Variants in BCAT1 observed in about 807,000 individuals in gnomAD.
The protein encoded by BCAT1 is branched-chain-amino-acid aminotransferase, cytosolic.
Under a neutral mutation model 52.4 loss-of-function variants are expected in BCAT1, and 48 were observed. The observed-to-expected ratio is 0.92, with a 90% confidence interval of 0.73 to 1.16. The LOEUF (loss-of-function observed/expected upper bound fraction) is 1.16. Ranked by LOEUF, BCAT1 falls within the 50% of genes most tolerant of loss-of-function variation. The probability of loss-of-function intolerance (pLI) is 0.00; values close to 1 mark genes in which losing one functional copy is unlikely to be tolerated. For synonymous variants in BCAT1, 167 were observed against 161.3 expected (o/e 1.04, Z -0.27); for missense variants, 451 against 457.1 (o/e 0.99, Z 0.12).
At chr12:24,945,223 A>G (rs929532297) in intron 1 of BCAT1, among the ~76,000 whole-genome samples, 2 of 152,248 alleles carry the variant, frequency 1.3e-5, no homozygotes, top group East Asian at 3.8e-4. Context: ...TGAGTCACTG[A>G]CAAGGTCTTA....
intron 10 of BCAT1, among the ~76,000 whole-genome samples, chr12:24,827,760 C>T (rs1410042614): frequency 6.6e-6 from 1 of 152,128 alleles, no homozygotes; most frequent in Non-Finnish European, 1.5e-5. Flanking sequence ...CCACTGCACC[C>T]CAGCCTGAGC....
At chr12:24,904,951 C>T (rs968133357) in intron 1 of BCAT1, among the ~76,000 whole-genome samples, 2 of 152,156 alleles carry the variant, frequency 1.3e-5, no homozygotes, top group Non-Finnish European at 2.9e-5. Context: ...CTCAGAAAGG[C>T]CTGGAAAGGC....
intron 10 of BCAT1, among the ~76,000 whole-genome samples, chr12:24,825,645 A>AT (rs1376348747): frequency 4.0e-5 from 6 of 150,812 alleles, no homozygotes; most frequent in Middle Eastern, 3.2e-3. Context: ...TTTTAATCAA[A>AT]TTTTTTTTTC....
At chr12:24,832,993 G>A in intron 8 of BCAT1, 130 bp from the exon 9 acceptor site, 2 of 972,770 alleles carry the variant, frequency 2.1e-6, no homozygotes, top group South Asian at 1.9e-5. Flanking sequence ...TTAAGGGAAA[G>A]CTGGAAGTGG....
chr12:24,947,167 C>CCACACACACACACACACACACA (rs57265449), intron 1 of BCAT1, among the ~76,000 whole-genome samples: 1 of 141,152 alleles, frequency 7.1e-6, no homozygotes, highest in African/African-American at 2.7e-5. Flanking sequence ...CGTCTTCCCT[C>CCACACACACACACACACACACA]CACACACACA....
intron 1 of BCAT1, among the ~76,000 whole-genome samples, chr12:24,943,910 G>C (rs571401333): frequency 8.5e-5 from 13 of 152,198 alleles, no homozygotes; most frequent in South Asian, 2.1e-4. Flanking sequence ...CGTGAACCCA[G>C]GAGGCGGAGC....
At chr12:24,822,594 T>C (rs1325242137) in intron 10 of BCAT1, among the ~76,000 whole-genome samples, 3 of 152,248 alleles carry the variant, frequency 2.0e-5, no homozygotes, top group Non-Finnish European at 4.4e-5. Flanking sequence ...AGCCTCAATT[T>C]GCCATCTTGT....
intron 8 of BCAT1, among the ~76,000 whole-genome samples, chr12:24,835,594 T>C (rs1305374626): frequency 6.8e-6 from 1 of 146,356 alleles, no homozygotes; most frequent in Non-Finnish European, 1.5e-5. Flanking sequence ...TTTATTTATT[T>C]AATTTACTTT....
At chr12:24,910,172 G>A (rs532756682) in intron 1 of BCAT1, among the ~76,000 whole-genome samples, 38 of 152,098 alleles carry the variant, frequency 2.5e-4, no homozygotes, top group African/African-American at 9.2e-4. Flanking sequence ...TCAGGAGTTC[G>A]AGACCAACCT....
At position 24,842,083 on chromosome 12, in the gene BCAT1, T is replaced by G. The variant is rs755815903; in HGVS notation, c.816A>C (p.Gly272=). ...NLFLYWINED[G]EEELATPPLD... ...CACAGTGAAATCTGAGTGGATTACC[T>G]CCATCTTCATTTATCCAGTAAAGAA... Residue 272 remains glycine (G), a splice_region_variant and synonymous_variant, in exon 7 of 11, where the codon GGA becomes GGC. Transcript: ENST00000261192. The G allele has an allele frequency of 3.1e-6, 5 of 1,613,404 alleles. No individual in the cohort carries two copies. The highest frequency in any genetic ancestry group is 4.2e-6 in the Non-Finnish European group (5 of 1,179,644).
intron 1 of BCAT1, among the ~76,000 whole-genome samples, chr12:24,941,403 G>C (rs1407024411): frequency 3.3e-5 from 5 of 152,158 alleles, no homozygotes; most frequent in African/African-American, 1.2e-4. Flanking sequence ...TGTTCTCTGT[G>C]TTTTTATAAT....
At chr12:24,946,627 G>T (rs924083126) in intron 1 of BCAT1, among the ~76,000 whole-genome samples, 1 of 152,166 alleles carries the variant, frequency 6.6e-6, no homozygotes, top group African/African-American at 2.4e-5. Flanking sequence ...CTGCGCATGC[G>T]TACGGGGGGA....
chr12:24,946,492 T>C (rs1346026393), intron 1 of BCAT1, among the ~76,000 whole-genome samples: 1 of 152,240 alleles, frequency 6.6e-6, no homozygotes, highest in Non-Finnish European at 1.5e-5. Flanking sequence ...GAAGAATTTA[T>C]ATTAAAATAA....
At chr12:24,943,302 G>C (rs1287843333) in intron 1 of BCAT1, among the ~76,000 whole-genome samples, 1 of 152,040 alleles carries the variant, frequency 6.6e-6, no homozygotes, top group Non-Finnish European at 1.5e-5. Flanking sequence ...AGACCAGCCA[G>C]TGCAACATGG....
intron 1 of BCAT1, among the ~76,000 whole-genome samples, chr12:24,929,757 C>A (rs1281136267): frequency 6.6e-6 from 1 of 152,138 alleles, no homozygotes; most frequent in African/African-American, 2.4e-5. Context: ...CCTCAATAAG[C>A]CCCAAGCCCT....
chr12:24,821,099 G>A (rs939153704), intron 10 of BCAT1, among the ~76,000 whole-genome samples: 3 of 152,156 alleles, frequency 2.0e-5, no homozygotes, highest in East Asian at 1.9e-4. Flanking sequence ...GTATGCACAC[G>A]GAGGACAGCT....
At chr12:24,845,227 A>C (rs1478879048) in intron 6 of BCAT1, among the ~76,000 whole-genome samples, 1 of 152,032 alleles carries the variant, frequency 6.6e-6, no homozygotes, top group Non-Finnish European at 1.5e-5. Flanking sequence ...AGCAAAAAAA[A>C]AAAAAGAGCC....
At chr12:24,864,717 C>A (rs1941954001) in intron 5 of BCAT1, among the ~76,000 whole-genome samples, 1 of 152,212 alleles carries the variant, frequency 6.6e-6, no homozygotes, top group Non-Finnish European at 1.5e-5. Flanking sequence ...TTCTCTGTCC[C>A]ACTGTGCAGC....
At position 24,813,240 on chromosome 12, in the gene BCAT1, T is replaced by C. The variant is rs1257544731; in HGVS notation, c.*4768A>G. 5.3e-5 allele frequency: 8 copies of C among 152,058 alleles called. No individual in the cohort carries two copies. In the East Asian group the frequency reaches 1.3e-3, roughly 26 times the overall value. 9.4% of individuals were successfully genotyped at this position (152,058 alleles called of 1,614,324 possible). ...AATTAAACATCTGACAAGTCTTTTA[T>C]ATATGTATGCTGAAGAGAAAAAATA... On this transcript the variant is annotated 3_prime_UTR_variant, in exon 11 of 11. Transcript: ENST00000261192.
Sources: allele counts gnomAD v4.1 joint callset (sites outside exome capture counted in the v4.1 genomes callset), GRCh38; gene constraint gnomAD v4.1.1; transcripts MANE v1.5; gene names NCBI Gene and HGNC (gene_info 2026-07-23, HGNC 2026-07-21).